HSPA12A: variants seen among roughly 807,000 people sequenced by gnomAD.
HSPA12A encodes the protein heat shock 70 kDa protein 12A.
HSPA12A carries 28 observed loss-of-function variants against 69.2 expected under a neutral mutation model. The ratio of observed to expected loss-of-function variants is 0.40; its 90% CI spans 0.30 to 0.55. HSPA12A has a LOEUF of 0.55. Among genes scored for constraint, HSPA12A ranks in the 20% least tolerant of loss-of-function variants. The pLI, the probability that HSPA12A is intolerant of heterozygous loss-of-function variation, is 0.38. For missense variants in HSPA12A, 686 were observed against 900.7 expected, an observed-to-expected ratio of 0.76 and a Z score of 3.05; for synonymous variants, 345 against 370.5, an observed-to-expected ratio of 0.93 and a Z score of 0.79.
At chr10:116,757,943 A>G (rs1843887986) in intron 2 of HSPA12A, among the ~76,000 whole-genome samples, 1 of 152,230 alleles carries the variant, frequency 6.6e-6, no homozygotes, top group Non-Finnish European at 1.5e-5. Context: ...CTAGAAAGCA[A>G]TGCACTAACA....
exon 2 of HSPA12A, chr10:116,834,992 C>G (rs1845682946): frequency 8.1e-7 from 1 of 1,231,620 alleles, no homozygotes; most frequent in Non-Finnish European, 1.0e-6. Flanking sequence ...GCTTTACACC[C>G]ACAGAATCCG....
At chr10:116,768,199 C>T (rs761215039) in intron 2 of HSPA12A, among the ~76,000 whole-genome samples, 2 of 152,160 alleles carry the variant, frequency 1.3e-5, no homozygotes, top group African/African-American at 2.4e-5. Flanking sequence ...ATATATGCTA[C>T]GACATGAATG....
chr10:116,808,196 T>C (rs1845104687), intron 2 of HSPA12A, among the ~76,000 whole-genome samples: 1 of 151,856 alleles, frequency 6.6e-6, no homozygotes. Context: ...GTTTTTCTGA[T>C]GAGGGATGAA....
At chr10:116,728,047 A>G (rs569625054) in intron 1 of HSPA12A, among the ~76,000 whole-genome samples, 1 of 152,006 alleles carries the variant, frequency 6.6e-6, no homozygotes, top group Non-Finnish European at 1.5e-5. Flanking sequence ...TGACCTCATG[A>G]TCTGCCCACC....
chr10:116,779,172 C>T (rs1246563531), intron 2 of HSPA12A, among the ~76,000 whole-genome samples: 2 of 152,202 alleles, frequency 1.3e-5, no homozygotes, highest in Non-Finnish European at 2.9e-5. Context: ...TTCGCAACAT[C>T]GTGAGCGACA....
intron 5 of HSPA12A, among the ~76,000 whole-genome samples, chr10:116,696,552 C>A (rs1554880900): frequency 6.6e-6 from 1 of 152,108 alleles, no homozygotes; most frequent in African/African-American, 2.4e-5. Flanking sequence ...GTCCATTAAA[C>A]CTCTTCCTTT....
intron 5 of HSPA12A, among the ~76,000 whole-genome samples, chr10:116,693,744 A>G: frequency 6.6e-6 from 1 of 152,234 alleles, no homozygotes; most frequent in East Asian, 1.9e-4. Context: ...CTCTTTGATC[A>G]GCAAATGATT....
intron 1 of HSPA12A, among the ~76,000 whole-genome samples, chr10:116,845,804 G>A (rs1845870850): frequency 6.6e-6 from 1 of 152,124 alleles, no homozygotes; most frequent in African/African-American, 2.4e-5. Flanking sequence ...GCATATATAT[G>A]AGTGTATTTA....
At chr10:116,824,288 C>T (rs1029130434) in intron 2 of HSPA12A, among the ~76,000 whole-genome samples, 3 of 152,170 alleles carry the variant, frequency 2.0e-5, no homozygotes, top group Admixed American at 6.6e-5. Context: ...AAATAAGAAG[C>T]CTCATACACT....
intron 2 of HSPA12A, among the ~76,000 whole-genome samples, chr10:116,813,974 A>C (rs997426020): frequency 6.6e-5 from 10 of 152,200 alleles, no homozygotes; most frequent in African/African-American, 2.4e-4. Flanking sequence ...AAAAGAAAAA[A>C]AGACAATAGG....
At chr10:116,804,399 C>T (rs916952281) in intron 2 of HSPA12A, among the ~76,000 whole-genome samples, 22 of 152,214 alleles carry the variant, frequency 1.4e-4, no homozygotes, top group African/African-American at 5.1e-4. Context: ...GAAAGCAAAG[C>T]TTGCAGCGTC....
intron 1 of HSPA12A, among the ~76,000 whole-genome samples, chr10:116,717,766 T>C (rs782402368): frequency 3.3e-5 from 5 of 152,222 alleles, no homozygotes; most frequent in Non-Finnish European, 7.3e-5. Context: ...CTTTGCATAA[T>C]GTCAGCAAAT....
At chr10:116,731,915 T>A (rs1038069373) in intron 1 of HSPA12A, among the ~76,000 whole-genome samples, 1 of 152,088 alleles carries the variant, frequency 6.6e-6, no homozygotes, top group South Asian at 2.1e-4. Flanking sequence ...CTCCTGTGTA[T>A]CAGAACTTTT....
intron 6 of HSPA12A, among the ~76,000 whole-genome samples, chr10:116,687,426 T>A (rs1554879663): frequency 6.6e-6 from 1 of 152,106 alleles, no homozygotes; most frequent in African/African-American, 2.4e-5. Context: ...AGGGGCCGTG[T>A]CCTACCTGCA....
At chr10:116,707,153 GCA>G (rs59728190) in intron 2 of HSPA12A, 45 bp downstream of exon 2, 28,632 of 575,140 alleles carry the variant, frequency 0.05, 133 homozygotes, top group South Asian at 0.099. Flanking sequence ...ACCCATGCGC[GCA>G]CACACACACA....
At chr10:116,799,945 G>A (rs999945372) in intron 2 of HSPA12A, among the ~76,000 whole-genome samples, 1 of 152,212 alleles carries the variant, frequency 6.6e-6, no homozygotes, top group South Asian at 2.1e-4. Flanking sequence ...ATTCTAGCAG[G>A]TGAATGAAAA....
intron 2 of HSPA12A, among the ~76,000 whole-genome samples, chr10:116,770,117 G>C (rs1393150538): frequency 6.6e-6 from 1 of 152,216 alleles, no homozygotes; most frequent in African/African-American, 2.4e-5. Flanking sequence ...CCTCAGAAGA[G>C]CCTGATGGAG....
chr10:116,798,184 C>T (rs866870670), intron 2 of HSPA12A, among the ~76,000 whole-genome samples: 3 of 34,748 alleles, frequency 8.6e-5, no homozygotes, highest in African/African-American at 2.3e-4. Flanking sequence ...GGCGGTGGGG[C>T]GGGGTGGGGC....
chr10:116,789,046 AG>A (rs1435902796), intron 2 of HSPA12A, among the ~76,000 whole-genome samples: 1 of 151,908 alleles, frequency 6.6e-6, no homozygotes, highest in East Asian at 1.9e-4. Context: ...TTGTATTTTT[AG>A]TGGAGACAAG....
Sources: gnomAD v4.1 joint callset for allele counts (sites outside exome capture counted in the v4.1 genomes callset) on GRCh38, gnomAD v4.1.1 for gene constraint, MANE v1.5 for transcripts, NCBI Gene and HGNC (gene_info 2026-07-23, HGNC 2026-07-21) for gene names.